PTDSS2: variants seen among roughly 807,000 people sequenced by gnomAD.
The protein encoded by PTDSS2 is phosphatidylserine synthase 2, also known as PSS-2.
A neutral mutation model predicts 64.7 loss-of-function variants in PTDSS2; 41 were observed. That is an observed-to-expected ratio of 0.63 (90% CI 0.49 to 0.82). The LOEUF (loss-of-function observed/expected upper bound fraction) is 0.82. Among genes scored for constraint, PTDSS2 ranks in the 40% least tolerant of loss-of-function variants. The probability of loss-of-function intolerance (pLI) is 0.00; values close to 1 mark genes in which losing one functional copy is unlikely to be tolerated. For missense variants in PTDSS2, 485 were observed against 650.0 expected (o/e 0.75, Z 2.76); for synonymous variants, 297 against 277.8 (o/e 1.07, Z -0.69).
upstream of PTDSS2, among the ~76,000 whole-genome samples, chr11:449,256 T>G (rs1393147889): frequency 6.6e-6 from 1 of 152,120 alleles, no homozygotes; most frequent in Non-Finnish European, 1.5e-5. Flanking sequence ...TTAGTAAAGA[T>G]GGGGTGTCAC....
Position 460,634 on chromosome 11 carries a change from G to A in PTDSS2, c.284+346G>A, listed in dbSNP as rs977955034. The A allele has an allele frequency of 1.0e-4, 23 of 228,180 alleles. No individual in the cohort carries two copies. Among genetic ancestry groups the A allele is most frequent in the Middle Eastern group, 1.5e-3 (1 of 670 alleles). 14.1% of individuals were successfully genotyped at this position (228,180 alleles called of 1,614,324 possible). ...TGAGCCCTTGAGTTTGGGCGTCTCC[G>A]GGGGTGAGGTTCCTGCGGTGGCCGC... On this transcript the variant is annotated intron_variant, in intron 2 of 11. Transcript: ENST00000308020. The surrounding 1 kb of genome is among the most constrained non-coding windows in gnomAD (Gnocchi z 5.8).
intron 11 of PTDSS2, 152 bp from the exon 12 acceptor site, chr11:490,268 C>A: frequency 8.2e-7 from 1 of 1,221,764 alleles, no homozygotes; most frequent in East Asian, 2.5e-5. Context: ...CCTCAGGGCT[C>A]CAGTCTGCCA....
At chr11:472,841 C>A (rs1383711915) in intron 2 of PTDSS2, among the ~76,000 whole-genome samples, 7 of 152,234 alleles carry the variant, frequency 4.6e-5, no homozygotes, top group African/African-American at 1.7e-4. Context: ...GTGTGTGCAG[C>A]TTCCCTCACG....
intron 1 of PTDSS2, among the ~76,000 whole-genome samples, chr11:455,450 CCTGT>C (rs1189279279): frequency 2.0e-5 from 3 of 152,178 alleles, no homozygotes; most frequent in East Asian, 3.8e-4. Flanking sequence ...CACACCACAC[CCTGT>C]CTGTCTGTGC....
chr11:465,711 G>C (rs1056287003), intron 2 of PTDSS2, among the ~76,000 whole-genome samples: 6 of 151,908 alleles, frequency 3.9e-5, no homozygotes, highest in Non-Finnish European at 5.9e-5. Flanking sequence ...GATTGCTTGA[G>C]GTCACAAGTT....
intron 4 of PTDSS2, among the ~76,000 whole-genome samples, chr11:485,538 G>A (rs1400259349): frequency 9.2e-5 from 13 of 141,558 alleles, no homozygotes; most frequent in Middle Eastern, 9.0e-3. Context: ...GCGCAGGCGA[G>A]TGTAAACAGT....
At position 490,003 on chromosome 11, in the gene PTDSS2, C is replaced by T. The variant is rs1318992139; in HGVS notation, c.1236C>T (p.Ile412=). 6.2e-6 allele frequency: 10 copies of T among 1,612,196 alleles called. No individual in the cohort carries two copies. Among genetic ancestry groups the T allele is most frequent in the Admixed American group, 1.7e-5 (1 of 60,024 alleles). ...HTLTLSLPFY[I]SQCWTLGSVL... is the part of the protein sequence containing the mutation. Reference sequence around the variant, plus strand: ...TCACCCTGTCCCTGCCCTTCTACATCTCCCAGTGCTGGACCCTCGGCTCCG... The same window carrying T: ...TCACCCTGTCCCTGCCCTTCTACATTTCCCAGTGCTGGACCCTCGGCTCCG... Residue 412 remains isoleucine (I), a synonymous_variant, in exon 11 of 12, where the codon ATC becomes ATT. Coordinates refer to ENST00000308020, the MANE Select transcript of PTDSS2 (RefSeq NM_030783.3).
rs1438012929 is a variant in PTDSS2, at chr11:490,612, C to T, written c.*30C>T. On this transcript the variant is annotated 3_prime_UTR_variant, in exon 12 of 12. Transcript: ENST00000308020. Reference sequence around the variant, plus strand: ...GGCCGTGGCTGCCTCGTGAGCCTCCCAGAGCCCAGGCCTCCGTGGCCTCCT... The same window carrying T: ...GGCCGTGGCTGCCTCGTGAGCCTCCTAGAGCCCAGGCCTCCGTGGCCTCCT... The T allele has an allele frequency of 3.2e-6, 5 of 1,549,804 alleles. No individual in the cohort carries two copies. Among genetic ancestry groups the T allele is most frequent in the Non-Finnish European group, 4.4e-6 (5 of 1,145,822 alleles).
chr11:480,751 G>T (rs893076762), intron 4 of PTDSS2, among the ~76,000 whole-genome samples: 7 of 152,032 alleles, frequency 4.6e-5, no homozygotes, highest in Non-Finnish European at 8.8e-5. Flanking sequence ...GTTTCATCTT[G>T]TTGGCCAGGC....
intron 4 of PTDSS2, among the ~76,000 whole-genome samples, chr11:484,729 C>CGCGT (rs1564990019): frequency 2.2e-5 from 3 of 135,654 alleles, no homozygotes; most frequent in South Asian, 2.4e-4. Flanking sequence ...TGCACGGATG[C>CGCGT]GTGTGCTCAC....
In PTDSS2 at chr11:479,425, T is replaced by C. The variant is rs1282541631; in HGVS notation, c.435+273T>C. The C allele has an allele frequency of 1.8e-6, 1 of 545,830 alleles. No individual in the cohort carries two copies. Among genetic ancestry groups the C allele is most frequent in the Non-Finnish European group, 3.3e-6 (1 of 303,930 alleles). 33.8% of individuals were successfully genotyped at this position (545,830 alleles called of 1,614,324 possible). On this transcript the variant is annotated intron_variant, in intron 4 of 11. Coordinates refer to ENST00000308020, the MANE Select transcript of PTDSS2 (RefSeq NM_030783.3). The surrounding 1 kb of genome is among the most constrained non-coding windows in gnomAD (Gnocchi z 4.2). ...CTGGTGGGGCGCTGACTGTGGCCATTTAGCAGGGCCACACTTAAGGAGGGC... is the reference window on the plus strand; with the variant it reads ...CTGGTGGGGCGCTGACTGTGGCCATCTAGCAGGGCCACACTTAAGGAGGGC...
rs1368671723 is a variant in PTDSS2 at position 489,450 on chromosome 11, G to A, written c.905G>A (p.Arg302His). 2.5e-6 allele frequency: 4 copies of A among 1,613,432 alleles called. No homozygotes were observed. The highest frequency in any genetic ancestry group is 2.2e-5 in the South Asian group (2 of 91,078). Residue 302 changes from arginine (R) to histidine (H), a missense_variant, in exon 9 of 12, where the codon CGC becomes CAC. Arg to His is a conservative substitution (Grantham distance 29, BLOSUM62 0). Coordinates refer to ENST00000308020, the MANE Select transcript of PTDSS2 (RefSeq NM_030783.3). The part of the protein sequence containing the change: ...AFQFTPYSWV[R>H]FEWKPASSLR... ...CAGTTCACGCCGTACAGCTGGGTTC[G>A]CTTCGAGTGGAAGCCGGCCTCCAGC...
chr11:458,342 C>G (rs1846693351), intron 1 of PTDSS2, among the ~76,000 whole-genome samples: 1 of 151,276 alleles, frequency 6.6e-6, no homozygotes, highest in Admixed American at 6.6e-5. Context: ...GTAGCTGGGA[C>G]TACAGGCGCC....
At chr11:455,586 A>G (rs925935397) in intron 1 of PTDSS2, among the ~76,000 whole-genome samples, 6 of 152,172 alleles carry the variant, frequency 3.9e-5, no homozygotes, top group Non-Finnish European at 8.8e-5. Context: ...GTCACTTCAG[A>G]CATGTGCACC....
intron 3 of PTDSS2, among the ~76,000 whole-genome samples, 195 bp from the exon 4 acceptor site, chr11:478,890 A>G (rs1056919533): frequency 3.3e-5 from 5 of 152,146 alleles, no homozygotes; most frequent in Non-Finnish European, 5.9e-5. Flanking sequence ...AAAAATGAAG[A>G]AAAAAAATTC....
intron 6 of PTDSS2, among the ~76,000 whole-genome samples, chr11:487,871 G>A (rs761569779): frequency 2.6e-5 from 4 of 152,224 alleles, no homozygotes; most frequent in Non-Finnish European, 4.4e-5. Context: ...CTTGTTTGCT[G>A]ACAGTCGTAC....
At position 479,220 on chromosome 11, in the gene PTDSS2, A is replaced by G. The variant is rs757670465; in HGVS notation, c.435+68A>G. The G allele has an allele frequency of 1.5e-6, 2 of 1,329,518 alleles. No individual in the cohort carries two copies. Among genetic ancestry groups the G allele is most frequent in the South Asian group, 1.2e-5 (1 of 85,422 alleles). The allele number at this position is 1,329,518 out of a possible 1,614,324, so 82.4% of individuals were successfully genotyped here. A position where few individuals can be genotyped will look rare whatever the true frequency, so the allele number is the denominator to read the frequency against. ...CAGTGTGGCCCCAGGCATGGTGACA[A>G]AGGAGGCCTTGCCCACACAGCCCTC... On this transcript the variant is annotated intron_variant, in intron 4 of 11. Coordinates refer to ENST00000308020, the MANE Select transcript of PTDSS2 (RefSeq NM_030783.3). The surrounding 1 kb of genome is among the most constrained non-coding windows in gnomAD (Gnocchi z 4.2).
At chr11:465,050 C>T (rs1426513459) in intron 2 of PTDSS2, among the ~76,000 whole-genome samples, 5 of 152,122 alleles carry the variant, frequency 3.3e-5, no homozygotes, top group Non-Finnish European at 5.9e-5. Flanking sequence ...AAGTCCATGG[C>T]GAAGGGATGG....
At chr11:456,662 C>T (rs1368324319) in intron 1 of PTDSS2, among the ~76,000 whole-genome samples, 1 of 152,176 alleles carries the variant, frequency 6.6e-6, no homozygotes, top group Non-Finnish European at 1.5e-5. Flanking sequence ...AGGACACGTT[C>T]TGTAAGTGTA....
Sources: allele counts gnomAD v4.1 joint callset (sites outside exome capture counted in the v4.1 genomes callset), GRCh38; gene constraint gnomAD v4.1.1; non-coding constraint Gnocchi (gnomAD v3.1); transcripts MANE v1.5; gene names NCBI Gene and HGNC (gene_info 2026-07-23, HGNC 2026-07-21).